RAD51: variants seen among roughly 807,000 people sequenced by gnomAD.
RAD51 encodes the protein DNA repair protein RAD51 homolog 1.
In RAD51, 14 loss-of-function variants were observed where a neutral mutation model predicts 41.5. That is an observed-to-expected ratio of 0.34 (90% CI 0.22 to 0.53). The LOEUF (loss-of-function observed/expected upper bound fraction) is 0.53. Ranked by LOEUF, RAD51 falls within the 20% of genes least tolerant of loss-of-function variation. The probability of loss-of-function intolerance (pLI) is 0.95; values close to 1 mark genes in which losing one functional copy is unlikely to be tolerated. For synonymous variants in RAD51, 136 were observed against 148.6 expected (o/e 0.92, Z 0.62); for missense variants, 234 against 422.0 (o/e 0.55, Z 3.90).
chr15:40,700,556 A>G (rs1204421522), intron 2 of RAD51, among the ~76,000 whole-genome samples: 1 of 152,198 alleles, frequency 6.6e-6, no homozygotes, highest in Non-Finnish European at 1.5e-5. Flanking sequence ...TCACAAAAAA[A>G]GGTTGGGAGT....
At chr15:40,725,235 T>C (rs1896522329) in intron 6 of RAD51, among the ~76,000 whole-genome samples, 1 of 152,122 alleles carries the variant, frequency 6.6e-6, no homozygotes, top group South Asian at 2.1e-4. Context: ...TCTTGCTGTG[T>C]TGCCCAGGCT....
intron 2 of RAD51, among the ~76,000 whole-genome samples, chr15:40,700,733 G>C (rs769633900): frequency 3.9e-5 from 6 of 152,112 alleles, no homozygotes; most frequent in African/African-American, 7.2e-5. Flanking sequence ...TAGGCTCTCT[G>C]TATCTCCGGA....
At chr15:40,715,644 A>G (rs1895951062) in intron 5 of RAD51, among the ~76,000 whole-genome samples, 1 of 152,308 alleles carries the variant, frequency 6.6e-6, no homozygotes, top group Non-Finnish European at 1.5e-5. Context: ...GAAAGGGCCA[A>G]ATAAGCTGGA....
chr15:40,696,462 A>G (rs1171724200), intron 1 of RAD51, among the ~76,000 whole-genome samples: 3 of 152,156 alleles, frequency 2.0e-5, no homozygotes, highest in South Asian at 2.1e-4. Context: ...AGGCCCAGCT[A>G]TTCAGGAGGC....
intron 4 of RAD51, 48 bp from the exon 5 acceptor site, chr15:40,708,977 T>C (rs1202025493): frequency 6.8e-7 from 1 of 1,461,760 alleles, no homozygotes. Context: ...GACTACAGTT[T>C]CTACATGTTT....
At chr15:40,705,813 A>C (rs564601996) in intron 3 of RAD51, among the ~76,000 whole-genome samples, 22 of 152,258 alleles carry the variant, frequency 1.4e-4, no homozygotes, top group Non-Finnish European at 2.5e-4. Context: ...TCACCATGTT[A>C]GCCAGGATGG....
intron 5 of RAD51, among the ~76,000 whole-genome samples, chr15:40,717,699 TTTC>T (rs1896058613): frequency 6.6e-6 from 1 of 152,242 alleles, no homozygotes; most frequent in African/African-American, 2.4e-5. Flanking sequence ...AATATGTTTT[TTTC>T]TTCTTTCTTG....
chr15:40,726,393 A>G (rs1420972016), intron 6 of RAD51, among the ~76,000 whole-genome samples: 1 of 151,730 alleles, frequency 6.6e-6, no homozygotes, highest in East Asian at 2.0e-4. Context: ...CTGGGATTAC[A>G]TGCGTGCACC....
At chr15:40,730,488 G>C (rs1447329657) in intron 9 of RAD51, among the ~76,000 whole-genome samples, 5 of 138,870 alleles carry the variant, frequency 3.6e-5, no homozygotes, top group Non-Finnish European at 6.3e-5. Context: ...CCTGGCAAAA[G>C]AGCAGGACAC....
At chr15:40,714,483 A>C (rs1895886961) in intron 5 of RAD51, among the ~76,000 whole-genome samples, 1 of 152,218 alleles carries the variant, frequency 6.6e-6, no homozygotes, top group South Asian at 2.1e-4. Context: ...GTACAAATAG[A>C]ATCCTAATCT....
Position 40,718,837 on chromosome 15 carries a change from G to A in RAD51, c.468G>A (p.Lys156=), listed in dbSNP as rs754966279. The part of the protein sequence containing the change: ...LPIDRGGGEG[K]AMYIDTEGTF... ...TTGACCGGGGTGGAGGTGAAGGAAA[G>A]GCCATGTACATTGACACTGAGGGTA... Residue 156 remains lysine, a synonymous_variant, in exon 6 of 10, where the codon AAG becomes AAA. Coordinates refer to ENST00000267868, the MANE Select transcript of RAD51 (RefSeq NM_002875.5). 1.4e-5 allele frequency: 23 copies of A among 1,613,500 alleles called. No individual in the cohort carries two copies. Among genetic ancestry groups the A allele is most frequent in the Non-Finnish European group, 1.8e-5 (21 of 1,179,506 alleles).
intron 3 of RAD51, among the ~76,000 whole-genome samples, chr15:40,703,243 A>C (rs911922179): frequency 2.6e-5 from 4 of 152,052 alleles, no homozygotes; most frequent in Non-Finnish European, 1.5e-5. Flanking sequence ...TGTCTAGTAC[A>C]TGTTTGTTGC....
At chr15:40,730,512 T>G (rs1288182803) in intron 9 of RAD51, among the ~76,000 whole-genome samples, 2 of 120,754 alleles carry the variant, frequency 1.7e-5, no homozygotes, top group African/African-American at 6.5e-5. Flanking sequence ...CTTGAAAAAA[T>G]TTTTTTTCTT....
chr15:40,710,489 G>T, intron 5 of RAD51, among the ~76,000 whole-genome samples: 1 of 109,490 alleles, frequency 9.1e-6, no homozygotes, highest in Non-Finnish European at 1.7e-5. Flanking sequence ...TCAAAGAAGC[G>T]AGACTCTGTC....
chr15:40,710,103 G>A (rs925689098), intron 5 of RAD51, among the ~76,000 whole-genome samples: 31 of 151,956 alleles, frequency 2.0e-4, no homozygotes, highest in African/African-American at 2.9e-4. Context: ...TTAGTTGGGC[G>A]TGGTGGCGGG....
chr15:40,717,320 A>G (rs1240577305), intron 5 of RAD51, among the ~76,000 whole-genome samples: 1 of 152,052 alleles, frequency 6.6e-6, no homozygotes, highest in Non-Finnish European at 1.5e-5. Flanking sequence ...CCTGGGCAAC[A>G]AGAGCGAAAC....
chr15:40,724,674 C>CTTTTTTTTTTTTTTT (rs869156620), intron 6 of RAD51, among the ~76,000 whole-genome samples: 3 of 94,344 alleles, frequency 3.2e-5, no homozygotes, highest in African/African-American at 4.5e-5. Context: ...TTTTTTATTT[C>CTTTTTTTTTTTTTTT]TTTTTTTTTT....
intron 6 of RAD51, among the ~76,000 whole-genome samples, chr15:40,723,430 A>G (rs1896381348): frequency 6.6e-6 from 1 of 152,208 alleles, no homozygotes; most frequent in African/African-American, 2.4e-5. Flanking sequence ...CAAAATGTTC[A>G]TCAGCTGGTA....
intron 9 of RAD51, among the ~76,000 whole-genome samples, chr15:40,730,526 T>TTTTTTTTCTTTTCTTTTC (rs1896823388): frequency 3.7e-5 from 5 of 134,004 alleles, no homozygotes; most frequent in African/African-American, 1.1e-4. Flanking sequence ...TTTTCTTTTT[T>TTTTTTTTCTTTTCTTTTC]TTTTTTTTTT....
Sources: allele counts gnomAD v4.1 joint callset (sites outside exome capture counted in the v4.1 genomes callset), GRCh38; gene constraint gnomAD v4.1.1; transcripts MANE v1.5; gene names NCBI Gene and HGNC (gene_info 2026-07-23, HGNC 2026-07-21).